THRB: variants seen among roughly 807,000 people sequenced by gnomAD.
The protein encoded by THRB is thyroid hormone receptor beta, also known as nuclear receptor subfamily 1 group A member 2.
In THRB, 12 loss-of-function variants were observed where a neutral mutation model predicts 47.8. The observed-to-expected ratio is 0.25, with a 90% confidence interval of 0.16 to 0.41. THRB has a LOEUF of 0.41. Among genes scored for constraint, THRB ranks in the 10% least tolerant of loss-of-function variants. THRB has a pLI of 1.00. For missense variants in THRB, 348 were observed against 589.2 expected, an observed-to-expected ratio of 0.59 and a Z score of 4.24; for synonymous variants, 218 against 212.2, an observed-to-expected ratio of 1.03 and a Z score of -0.24.
intron 3 of THRB, among the ~76,000 whole-genome samples, chr3:24,277,305 C>T (rs1393467304): frequency 6.6e-6 from 1 of 152,172 alleles, no homozygotes; most frequent in Non-Finnish European, 1.5e-5. Flanking sequence ...GCTCAACATC[C>T]TACAATACAC....
intron 1 of THRB, among the ~76,000 whole-genome samples, chr3:24,431,670 G>C: frequency 6.6e-6 from 1 of 152,086 alleles, no homozygotes. Flanking sequence ...AAGACACATG[G>C]AAGGAAATTC....
chr3:24,286,888 A>G (rs948373043), intron 3 of THRB, among the ~76,000 whole-genome samples: 5 of 152,194 alleles, frequency 3.3e-5, no homozygotes, highest in East Asian at 1.9e-4. Context: ...TGGGGTTCCA[A>G]GAGGAACACG....
intron 3 of THRB, among the ~76,000 whole-genome samples, chr3:24,269,397 GCGCGCGCA>G (rs1235545270): frequency 0.045 from 5,133 of 113,764 alleles, 157 homozygotes; most frequent in South Asian, 0.067. Flanking sequence ...ACGCGCGCGC[GCGCGCGCA>G]CACACACACA....
At chr3:24,323,705 C>T (rs527819848) in intron 2 of THRB, among the ~76,000 whole-genome samples, 1 of 152,282 alleles carries the variant, frequency 6.6e-6, no homozygotes, top group South Asian at 2.1e-4. Flanking sequence ...CCAGGACCTC[C>T]ACTAGAATAC....
chr3:24,215,343 C>T (rs754341874), intron 4 of THRB, among the ~76,000 whole-genome samples: 26 of 152,170 alleles, frequency 1.7e-4, no homozygotes, highest in African/African-American at 6.0e-4. Flanking sequence ...TTGAGGCTTA[C>T]GCAACTTGCT....
intron 4 of THRB, among the ~76,000 whole-genome samples, chr3:24,194,046 T>A (rs1022439622): frequency 1.3e-5 from 2 of 152,170 alleles, no homozygotes; most frequent in Non-Finnish European, 2.9e-5. Flanking sequence ...ACATCATACG[T>A]TTTCACTCAT....
chr3:24,305,732 C>T (rs1295337457), intron 2 of THRB, among the ~76,000 whole-genome samples: 1 of 152,184 alleles, frequency 6.6e-6, no homozygotes, highest in East Asian at 1.9e-4. Flanking sequence ...TATCTCATTT[C>T]CCTCTGTATC....
intron 1 of THRB, among the ~76,000 whole-genome samples, chr3:24,462,574 T>C (rs2073801741): frequency 6.6e-6 from 1 of 152,220 alleles, no homozygotes; most frequent in Non-Finnish European, 1.5e-5. Flanking sequence ...AGAAATCAAT[T>C]TACTTGGAGC....
chr3:24,301,844 C>T (rs763693377), intron 2 of THRB, among the ~76,000 whole-genome samples: 1 of 152,176 alleles, frequency 6.6e-6, no homozygotes, highest in African/African-American at 2.4e-5. Flanking sequence ...TCACCTGAAT[C>T]CTTGAGCGGC....
rs564444830 is a variant in THRB at position 24,302,048 on chromosome 3, C to A, written c.-188-4677G>T. 2.1e-3 allele frequency among the ~76,000 whole-genome samples: 321 copies of A among 152,316 alleles called. 1 individual carries two copies. The highest frequency in any genetic ancestry group is 6.9e-3 in the African/African-American group (288 of 41,566). ...TTCCCTACAGACTGCAAGGCCCTAA[C>A]TTGGTGTTGGCTAAGCCGCTAGGTT... On this transcript the variant is annotated intron_variant, in intron 2 of 10. Transcript: ENST00000646209.
At chr3:24,348,847 C>T (rs1240277617) in intron 1 of THRB, 1 of 151,998 alleles carries the variant, frequency 6.6e-6, no homozygotes, top group African/African-American at 2.4e-5. Flanking sequence ...TCTATAACCA[C>T]CTCTATAAAA....
intron 1 of THRB, among the ~76,000 whole-genome samples, chr3:24,400,107 G>A (rs2067279969): frequency 6.6e-6 from 1 of 152,106 alleles, no homozygotes; most frequent in South Asian, 2.1e-4. Flanking sequence ...AGCCCTAGGA[G>A]TTAATGACCA....
chr3:24,183,679 CTTT>C (rs35441182), intron 5 of THRB, among the ~76,000 whole-genome samples: 39 of 137,060 alleles, frequency 2.8e-4, no homozygotes, highest in East Asian at 1.3e-3. Flanking sequence ...GGCCTTTCAT[CTTT>C]TTTTTTTTTT....
At chr3:24,182,767 A>T (rs1472028893) in intron 5 of THRB, among the ~76,000 whole-genome samples, 1 of 152,212 alleles carries the variant, frequency 6.6e-6, no homozygotes, top group Non-Finnish European at 1.5e-5. Flanking sequence ...ATGGCTGGTA[A>T]ATGGCAGCAC....
At chr3:24,162,234 C>G (rs2038970270) in intron 5 of THRB, among the ~76,000 whole-genome samples, 1 of 151,826 alleles carries the variant, frequency 6.6e-6, no homozygotes, top group Non-Finnish European at 1.5e-5. Context: ...TTGCTGCAAC[C>G]TCAGCCACAG....
At position 24,190,134 on chromosome 3, in the gene THRB, C is replaced by A; in HGVS notation, c.223G>T (p.Val75Leu). The change falls in exon 5 of 11, where the codon GTG becomes TTG. Residue 75 changes from valine (V) to leucine (L), a missense_variant. Val to Leu is a conservative substitution (Grantham distance 32). Transcript: ENST00000646209. ...SSIFHLDHDD[V>L]NDQSVSSAQT... is the part of the protein sequence containing the mutation. Reference sequence around the variant, plus strand: ...GCACTTGAGACACTCTGGTCGTTCACATCATCATGGTCCAGATGGAATATT... The same window carrying A: ...GCACTTGAGACACTCTGGTCGTTCAAATCATCATGGTCCAGATGGAATATT... 6.2e-7 allele frequency: 1 copy of A among 1,614,104 alleles called. No homozygotes were observed. The highest frequency in any genetic ancestry group is 1.1e-5 in the South Asian group (1 of 91,082).
intron 1 of THRB, among the ~76,000 whole-genome samples, chr3:24,363,792 CA>C (rs920121697): frequency 1.3e-5 from 2 of 151,300 alleles, no homozygotes; most frequent in Admixed American, 6.6e-5. Context: ...TCATAATTTC[CA>C]AAAAAAAGTC....
chr3:24,210,670 C>T (rs1294270776), intron 4 of THRB, among the ~76,000 whole-genome samples: 1 of 152,226 alleles, frequency 6.6e-6, no homozygotes, highest in Non-Finnish European at 1.5e-5. Context: ...TGACGCTGGG[C>T]TACCTGGCAC....
At position 24,269,136 on chromosome 3, in the gene THRB, CTTCT is replaced by C. The variant is rs896473971; in HGVS notation, c.-43+28086_-43+28089del. On this transcript the variant is annotated intron_variant, in intron 3 of 10. Coordinates refer to ENST00000646209, the MANE Select transcript of THRB (RefSeq NM_001354712.2). ...TTTTCCCACAATTATAAAATGTTGC[CTTCT>C]TTCTAAGAAATGTCAATTTGATTAA... Among the ~76,000 whole-genome samples, 7 of 152,234 alleles carry C rather than the reference CTTCT, an allele frequency of 4.6e-5. No homozygotes were observed. In the South Asian group the frequency reaches 6.2e-4, roughly 14 times the overall value.
Sources: allele counts gnomAD v4.1 joint callset (sites outside exome capture counted in the v4.1 genomes callset), GRCh38; gene constraint gnomAD v4.1.1; transcripts MANE v1.5; gene names NCBI Gene and HGNC (gene_info 2026-07-23, HGNC 2026-07-21).